The following JMY variants were observed in gnomAD, a reference collection of about 807,000 sequenced individuals.
JMY encodes junction mediating and regulatory protein, p53 cofactor.
Under a neutral mutation model 103.3 loss-of-function variants are expected in JMY, and 46 were observed. The observed-to-expected ratio is 0.45, with a 90% CI of 0.35 to 0.57. The LOEUF is 0.57. Ranked by LOEUF, JMY falls within the 20% of genes least tolerant of loss-of-function variation. The pLI is 0.00. For synonymous variants in JMY, 526 were observed against 489.3 expected (o/e 1.07, Z -0.99); for missense variants, 1,238 against 1,255.2 (o/e 0.99, Z 0.21).
At chr5:79,283,193 A>G (rs1746173294) in intron 2 of JMY, among the ~76,000 whole-genome samples, 2 of 151,812 alleles carry the variant, frequency 1.3e-5, no homozygotes, top group African/African-American at 4.8e-5. Flanking sequence ...GGTTTCCTCC[A>G]TGTTAGGCTG....
intron 2 of JMY, among the ~76,000 whole-genome samples, chr5:79,285,207 C>T (rs975801039): frequency 2.6e-5 from 4 of 152,130 alleles, no homozygotes; most frequent in African/African-American, 9.7e-5. Context: ...CTTGAATGTG[C>T]ATTTCATTCT....
intron 2 of JMY, among the ~76,000 whole-genome samples, chr5:79,282,399 C>T (rs1430467179): frequency 6.6e-6 from 1 of 152,076 alleles, no homozygotes; most frequent in African/African-American, 2.4e-5. Context: ...CAAAATCAAT[C>T]ACAATTTACA....
At chr5:79,281,353 AT>A (rs35881012) in intron 2 of JMY, among the ~76,000 whole-genome samples, 24,108 of 116,914 alleles carry the variant, frequency 0.21, 1,922 homozygotes, top group Middle Eastern at 0.25. Flanking sequence ...CAAGAAATTA[AT>A]TTTTTTTTTT....
intron 1 of JMY, among the ~76,000 whole-genome samples, chr5:79,248,599 G>A (rs1009935768): frequency 6.6e-6 from 1 of 151,502 alleles, no homozygotes; most frequent in South Asian, 2.1e-4. Context: ...TTGAGCCACC[G>A]CGCCGGCCTC....
At chr5:79,265,908 G>T (rs1176619284) in intron 1 of JMY, among the ~76,000 whole-genome samples, 2 of 151,522 alleles carry the variant, frequency 1.3e-5, no homozygotes, top group East Asian at 3.9e-4. Flanking sequence ...AGCCTCCCGA[G>T]TAGCTGGGAT....
chr5:79,277,793 C>T, intron 1 of JMY, 117 bp from the exon 2 acceptor site: 1 of 770,936 alleles, frequency 1.3e-6, no homozygotes, highest in Non-Finnish European at 2.0e-6. Flanking sequence ...TTTTCATTCC[C>T]TCTTGCTTCT....
chr5:79,256,671 T>C (rs1745252876), intron 1 of JMY, among the ~76,000 whole-genome samples: 1 of 152,208 alleles, frequency 6.6e-6, no homozygotes, highest in South Asian at 2.1e-4. Context: ...CCAAAAGTGG[T>C]GGGATTACAG....
intron 1 of JMY, among the ~76,000 whole-genome samples, chr5:79,252,052 A>G (rs1224612827): frequency 1.3e-5 from 2 of 152,134 alleles, no homozygotes; most frequent in East Asian, 3.9e-4. Flanking sequence ...CTGGGATTAC[A>G]GGCATGAGCC....
At chr5:79,271,643 C>G (rs1745785445) in intron 1 of JMY, among the ~76,000 whole-genome samples, 1 of 152,142 alleles carries the variant, frequency 6.6e-6, no homozygotes, top group Admixed American at 6.6e-5. Context: ...CACCGTTATG[C>G]TAACGAGGAT....
intron 1 of JMY, among the ~76,000 whole-genome samples, chr5:79,274,440 C>T (rs1745878388): frequency 6.6e-6 from 1 of 151,618 alleles, no homozygotes; most frequent in Non-Finnish European, 1.5e-5. Flanking sequence ...GACAGAGTTG[C>T]TCTGTCACCC....
At chr5:79,249,693 C>T (rs908849843) in intron 1 of JMY, among the ~76,000 whole-genome samples, 3 of 152,134 alleles carry the variant, frequency 2.0e-5, no homozygotes, top group Non-Finnish European at 2.9e-5. Flanking sequence ...TTTCTCTTTT[C>T]ATTTTGTCTA....
chr5:79,254,720 C>T (rs1487878460), intron 1 of JMY, among the ~76,000 whole-genome samples: 2 of 152,048 alleles, frequency 1.3e-5, no homozygotes, highest in Non-Finnish European at 2.9e-5. Context: ...GTTATTATCC[C>T]TTTGAATAAA....
intron 8 of JMY, among the ~76,000 whole-genome samples, chr5:79,313,271 T>C (rs1462086118): frequency 1.3e-5 from 2 of 152,026 alleles, no homozygotes; most frequent in Non-Finnish European, 2.9e-5. Context: ...CTATACAAAT[T>C]AGCCTGGCAT....
chr5:79,306,535 G>A, intron 7 of JMY, 74 bp downstream of exon 7: 4 of 1,040,350 alleles, frequency 3.8e-6, no homozygotes, highest in Non-Finnish European at 5.8e-6. Context: ...AATCTGTAGA[G>A]AATGATAAAA....
In JMY at chr5:79,273,077, G is replaced by A. The variant is rs144846726; in HGVS notation, c.1033-4833G>A. 2.1e-3 allele frequency among the ~76,000 whole-genome samples: 327 copies of A among 152,186 alleles called. 1 individual carries two copies. Among genetic ancestry groups the A allele is most frequent in the African/African-American group, 7.4e-3 (308 of 41,512 alleles). ...TATGATTTTTGCTTTGAACACTCCT[G>A]TGTATTTTATAGAAATTAAGAGGAA... On this transcript the variant is annotated intron_variant, in intron 1 of 10. Coordinates refer to ENST00000396137, the MANE Select transcript of JMY (RefSeq NM_152405.5).
At chr5:79,250,549 A>G (rs1005729631) in intron 1 of JMY, among the ~76,000 whole-genome samples, 11 of 152,008 alleles carry the variant, frequency 7.2e-5, no homozygotes, top group African/African-American at 2.7e-4. Context: ...GTAAGCATTA[A>G]CCTCTGGAAG....
chr5:79,316,470 T>A (rs1747225137), intron 10 of JMY, among the ~76,000 whole-genome samples, 160 bp downstream of exon 10: 1 of 152,216 alleles, frequency 6.6e-6, no homozygotes, highest in Non-Finnish European at 1.5e-5. Flanking sequence ...TTTACTTAAT[T>A]CTGTAGTTTC....
chr5:79,296,431 T>G (rs1746564519), intron 4 of JMY, among the ~76,000 whole-genome samples: 1 of 152,222 alleles, frequency 6.6e-6, no homozygotes, highest in South Asian at 2.1e-4. Flanking sequence ...AGGGCTAGTT[T>G]TGGTTGAAAA....
At position 79,306,358 on chromosome 5, in the gene JMY, A is replaced by G. The variant is rs1580368341; in HGVS notation, c.1882-17A>G. On this transcript the variant is annotated splice_polypyrimidine_tract_variant and intron_variant, in intron 6 of 10. Transcript: ENST00000396137. Reference sequence around the variant, plus strand: ...TCAAGTTTCACTTGTATTAAAACACATTTTATGTATTTACAGGAAATATGT... The same window carrying G: ...TCAAGTTTCACTTGTATTAAAACACGTTTTATGTATTTACAGGAAATATGT... 1 of 1,576,508 alleles carries G rather than the reference A, an allele frequency of 6.3e-7. No individual in the cohort carries two copies. Among genetic ancestry groups the G allele is most frequent in the South Asian group, 1.1e-5 (1 of 89,574 alleles).
Sources: gnomAD v4.1 joint callset for allele counts (sites outside exome capture counted in the v4.1 genomes callset) on GRCh38, gnomAD v4.1.1 for gene constraint, MANE v1.5 for transcripts, NCBI Gene and HGNC (gene_info 2026-07-23, HGNC 2026-07-21) for gene names.